CSMD1: variants seen among roughly 807,000 people sequenced by gnomAD.
The protein encoded by CSMD1 is CUB and Sushi multiple domains 1, also known as CUB and sushi domain-containing protein 1.
Under a neutral mutation model 417.5 loss-of-function variants are expected in CSMD1, and 213 were observed. The observed-to-expected ratio is 0.51, with a 90% CI of 0.46 to 0.57. CSMD1 has a LOEUF of 0.57. CSMD1 is among the 20% of genes least tolerant of loss of function. CSMD1 has a pLI of 0.00. For missense variants in CSMD1, 6,923 were observed against 4,529.7 expected, an observed-to-expected ratio of 1.53 and a Z score of -15.17; for synonymous variants, 2,862 against 1,736.8, an observed-to-expected ratio of 1.65 and a Z score of -16.11.
At position 3,592,637 on chromosome 8, in the gene CSMD1, G is replaced by A. The variant is rs180962414; in HGVS notation, c.1098-6377C>T. Among the ~76,000 whole-genome samples the A allele has an allele frequency of 3.9e-5, 6 of 152,204 alleles. No individual in the cohort carries two copies. The East Asian group carries it at 1.2e-3, about 30-fold the overall frequency. ...GTGAGCAGGAGGAAGGGTGAATGCT[G>A]AAGGGTCTATGTGTGTGTTTACGTG... On this transcript the variant is annotated intron_variant, in intron 8 of 69. Coordinates refer to ENST00000635120, the MANE Select transcript of CSMD1 (RefSeq NM_033225.6).
At chr8:4,016,746 G>C (rs1021386709) in intron 4 of CSMD1, among the ~76,000 whole-genome samples, 1 of 152,134 alleles carries the variant, frequency 6.6e-6, no homozygotes, top group African/African-American at 2.4e-5. Context: ...CACCCTCTTG[G>C]GTTAAGGGCT....
At chr8:3,138,232 A>G (rs1292880494) in intron 41 of CSMD1, among the ~76,000 whole-genome samples, 3 of 152,166 alleles carry the variant, frequency 2.0e-5, no homozygotes, top group Non-Finnish European at 2.9e-5. Context: ...TCTCGAAAAC[A>G]AAAAACCATA....
chr8:3,958,188 G>C (rs1277709311), intron 5 of CSMD1, among the ~76,000 whole-genome samples: 1 of 152,078 alleles, frequency 6.6e-6, no homozygotes, highest in East Asian at 1.9e-4. Flanking sequence ...TTATTTTGGA[G>C]AAAACAAATA....
chr8:4,723,917 C>G (rs1434165010), intron 1 of CSMD1, among the ~76,000 whole-genome samples: 1 of 151,906 alleles, frequency 6.6e-6, no homozygotes, highest in East Asian at 1.9e-4. Flanking sequence ...ATATACAGAT[C>G]TCTTCAAAAC....
At chr8:4,522,422 G>A (rs1031049696) in intron 2 of CSMD1, among the ~76,000 whole-genome samples, 2 of 152,116 alleles carry the variant, frequency 1.3e-5, no homozygotes, top group African/African-American at 2.4e-5. Flanking sequence ...GTATCAGAAA[G>A]TTCATTACAA....
intron 41 of CSMD1, among the ~76,000 whole-genome samples, chr8:3,126,837 C>T (rs975129346): frequency 2.0e-5 from 3 of 152,112 alleles, no homozygotes; most frequent in South Asian, 2.1e-4. Flanking sequence ...ATCAATGCTT[C>T]GGGAGGACCA....
In CSMD1 at chr8:4,774,661, A is replaced by C. The variant is rs145744155; in HGVS notation, c.86-137103T>G. Among the ~76,000 whole-genome samples, 245 of 152,170 alleles carry C rather than the reference A, an allele frequency of 1.6e-3. 1 individual carries two copies. Among genetic ancestry groups the C allele is most frequent in the African/African-American group, 5.7e-3 (235 of 41,532 alleles). Reference sequence around the variant, plus strand: ...ACTTCATGTTCAATTGTAACCTCTAATGTTGGAGATGGCAGAAGTATTGGC... The same window carrying C: ...ACTTCATGTTCAATTGTAACCTCTACTGTTGGAGATGGCAGAAGTATTGGC... On this transcript the variant is annotated intron_variant, in intron 1 of 69. Coordinates refer to ENST00000635120, the MANE Select transcript of CSMD1 (RefSeq NM_033225.6).
chr8:4,759,609 C>G (rs6990707), intron 1 of CSMD1, among the ~76,000 whole-genome samples: 45 of 152,242 alleles, frequency 3.0e-4, no homozygotes, highest in African/African-American at 1.1e-3. Flanking sequence ...GTTCCCCTCC[C>G]TACGTCCATG....
chr8:4,534,557 A>T (rs1031912546), intron 2 of CSMD1, among the ~76,000 whole-genome samples: 1 of 152,050 alleles, frequency 6.6e-6, no homozygotes, highest in African/African-American at 2.4e-5. Flanking sequence ...ATAGTACCCA[A>T]TAGGTAGTTT....
intron 3 of CSMD1, among the ~76,000 whole-genome samples, chr8:4,237,317 C>T (rs1185839608): frequency 1.3e-5 from 2 of 152,084 alleles, no homozygotes; most frequent in African/African-American, 4.8e-5. Context: ...ATGTTAACTC[C>T]TTGAACAGTA....
At chr8:4,410,382 G>A (rs1796584163) in intron 3 of CSMD1, among the ~76,000 whole-genome samples, 1 of 152,124 alleles carries the variant, frequency 6.6e-6, no homozygotes, top group Non-Finnish European at 1.5e-5. Flanking sequence ...GAATTCATGT[G>A]CTTATCCACA....
chr8:3,369,991 G>C (rs1408144652), intron 18 of CSMD1, among the ~76,000 whole-genome samples: 1 of 152,116 alleles, frequency 6.6e-6, no homozygotes, highest in Admixed American at 6.5e-5. Flanking sequence ...CCATCTCATG[G>C]ATAGGTGTTT....
intron 1 of CSMD1, among the ~76,000 whole-genome samples, chr8:4,864,875 T>TACACACACAC (rs35135942): frequency 0.023 from 3,401 of 146,926 alleles, 49 homozygotes; most frequent in South Asian, 0.054. Context: ...TGGATTCTAC[T>TACACACACAC]ACACACACAC....
chr8:3,403,517 A>G (rs1374616416), intron 15 of CSMD1, among the ~76,000 whole-genome samples: 4 of 152,146 alleles, frequency 2.6e-5, no homozygotes, highest in Non-Finnish European at 5.9e-5. Context: ...TTCCTTTGTT[A>G]ACAACCTATA....
chr8:3,994,465 AAG>A (rs1554510268), intron 5 of CSMD1, among the ~76,000 whole-genome samples: 3 of 149,352 alleles, frequency 2.0e-5, no homozygotes, highest in African/African-American at 7.6e-5. Context: ...AAAAAAAAAA[AAG>A]AACACTTGGC....
intron 5 of CSMD1, among the ~76,000 whole-genome samples, chr8:3,960,007 A>T (rs1812214883): frequency 6.6e-6 from 1 of 152,196 alleles, no homozygotes; most frequent in East Asian, 1.9e-4. Flanking sequence ...ATGTGCGTGA[A>T]GCTATTTCAA....
intron 3 of CSMD1, among the ~76,000 whole-genome samples, chr8:4,155,164 C>A (rs923384612): frequency 6.6e-6 from 1 of 152,174 alleles, no homozygotes. Context: ...GAGGCACTGA[C>A]TGTTTACATA....
intron 2 of CSMD1, among the ~76,000 whole-genome samples, chr8:4,516,422 A>G (rs1453059805): frequency 1.3e-5 from 2 of 152,150 alleles, no homozygotes; most frequent in African/African-American, 4.8e-5. Flanking sequence ...GCTGGTGTCC[A>G]TGGAAGGCCT....
chr8:4,425,615 C>A (rs1447411967), intron 2 of CSMD1, among the ~76,000 whole-genome samples: 6 of 152,102 alleles, frequency 3.9e-5, no homozygotes, highest in Non-Finnish European at 1.5e-5. Context: ...AGTATCCTTT[C>A]CATGAGGGCC....
Sources: gnomAD v4.1 joint callset for allele counts (sites outside exome capture counted in the v4.1 genomes callset) on GRCh38, gnomAD v4.1.1 for gene constraint, MANE v1.5 for transcripts, NCBI Gene and HGNC (gene_info 2026-07-23, HGNC 2026-07-21) for gene names.